The following HMCN1 variants were observed in gnomAD, a reference collection of about 807,000 sequenced individuals.
HMCN1 encodes hemicentin-1.
Under a neutral mutation model 625.9 loss-of-function variants are expected in HMCN1, and 321 were observed. That is an observed-to-expected ratio of 0.51 (90% CI 0.47 to 0.56). The LOEUF is 0.56. Among genes scored for constraint, HMCN1 ranks in the 20% least tolerant of loss-of-function variants. The probability of loss-of-function intolerance (pLI) is 0.00; values close to 1 mark genes in which losing one functional copy is unlikely to be tolerated. For missense variants in HMCN1, 6,588 were observed against 6,887.3 expected, an observed-to-expected ratio of 0.96 and a Z score of 1.54; for synonymous variants, 2,425 against 2,417.6, an observed-to-expected ratio of 1.00 and a Z score of -0.09.
In HMCN1 at chr1:185,923,639, C is replaced by A; in HGVS notation, c.1271C>A (p.Ser424Tyr). Residue 424 changes from serine to tyrosine, a missense_variant, in exon 8 of 107, where the codon TCT (serine) becomes TAT (tyrosine). Ser to Tyr is a moderately radical substitution (Grantham distance 144). Around this residue, in one of 3 missense-constraint regions of HMCN1, gnomAD observed 4,628 missense variants for 4,853.1 expected, o/e 0.95. Coordinates refer to ENST00000271588, the MANE Select transcript of HMCN1 (RefSeq NM_031935.3). ...CAGAGAGTATCAAGTGTTTCCTTTT[C>A]TAGTATTGTCCCAGGTGAGACATCA... The part of the protein sequence containing the change: ...LFQRVSSVSF[S>Y]SIVPDAPKVT... 1 of 1,603,478 alleles carries A rather than the reference C, an allele frequency of 6.2e-7. No individual in the cohort carries two copies. Among genetic ancestry groups the A allele is most frequent in the Non-Finnish European group, 8.5e-7 (1 of 1,176,506 alleles).
chr1:185,805,106 C>T (rs1410547353), intron 1 of HMCN1, among the ~76,000 whole-genome samples: 1 of 151,994 alleles, frequency 6.6e-6, no homozygotes, highest in Non-Finnish European at 1.5e-5. Flanking sequence ...GCATATTTTC[C>T]TTACATTGAT....
At chr1:186,115,558 T>A (rs1238645187) in intron 75 of HMCN1, 144 bp downstream of exon 75, 4 of 771,822 alleles carry the variant, frequency 5.2e-6, no homozygotes, top group Admixed American at 2.3e-5. Context: ...TAATATGGAC[T>A]TAGTTTTTCA....
At position 186,108,409 on chromosome 1, in the gene HMCN1, G is replaced by A. The variant is rs1660721556; in HGVS notation, c.10853-52G>A. On this transcript the variant is annotated intron_variant, in intron 70 of 106. Transcript: ENST00000271588. The stretch of plus-strand genomic sequence containing the variant: ...TCATATAGCAGAACCAACATTTTTT[G>A]GATACCTATGATAATACAGATTGCT... The A allele has an allele frequency of 1.1e-5, 17 of 1,612,198 alleles. 1 individual carries two copies. The South Asian group carries it at 1.9e-4, about 18-fold the overall frequency.
chr1:186,002,870 C>A (rs1653289102), intron 28 of HMCN1, among the ~76,000 whole-genome samples: 1 of 152,106 alleles, frequency 6.6e-6, no homozygotes, highest in African/African-American at 2.4e-5. Flanking sequence ...CTCACTACTA[C>A]CTTCTCCCCA....
intron 1 of HMCN1, among the ~76,000 whole-genome samples, chr1:185,834,054 T>C (rs1661029297): frequency 6.6e-6 from 1 of 152,206 alleles, no homozygotes; most frequent in African/African-American, 2.4e-5. Context: ...TGTTCAAAAT[T>C]GTCTCTTTCT....
intron 32 of HMCN1, among the ~76,000 whole-genome samples, chr1:186,016,630 G>A (rs932872133): frequency 5.9e-5 from 9 of 151,950 alleles, no homozygotes; most frequent in Admixed American, 3.9e-4. Context: ...TAAATTGAAG[G>A]CTTTTGAATA....
intron 105 of HMCN1, among the ~76,000 whole-genome samples, chr1:186,186,025 C>T (rs1653281211): frequency 6.6e-6 from 1 of 151,980 alleles, no homozygotes; most frequent in African/African-American, 2.4e-5. Context: ...TGAATTATGG[C>T]GTTGTTATAC....
intron 36 of HMCN1, among the ~76,000 whole-genome samples, chr1:186,024,215 A>G (rs1212126511): frequency 1.3e-5 from 2 of 152,082 alleles, no homozygotes; most frequent in African/African-American, 4.8e-5. Context: ...GAATGTAACC[A>G]TTTTGCAATT....
intron 40 of HMCN1, among the ~76,000 whole-genome samples, chr1:186,043,396 A>C (rs1296601972): frequency 2.6e-5 from 4 of 152,110 alleles, no homozygotes. Context: ...GATTTGCTTC[A>C]ATTTTTGTCC....
intron 53 of HMCN1, among the ~76,000 whole-genome samples, chr1:186,075,235 A>G (rs1658738186): frequency 6.6e-6 from 1 of 152,132 alleles, no homozygotes; most frequent in Non-Finnish European, 1.5e-5. Context: ...ACAGTACAGA[A>G]TTCAGAGTAA....
rs182329767 is a variant in HMCN1 at position 185,887,363 on chromosome 1, T to A, written c.621+21500T>A. Among the ~76,000 whole-genome samples, 1,150 of 152,014 alleles carry A rather than the reference T, an allele frequency of 7.6e-3. 14 individuals are homozygous for A. The highest frequency in any genetic ancestry group is 0.025 in the African/African-American group (1,034 of 41,448). On this transcript the variant is annotated intron_variant, in intron 4 of 106. Transcript: ENST00000271588. ...GGGTACATGTGCACATTGTGCAGGTTAGTTACATACGTATACATGTGCCAT... is the reference window on the plus strand; with the variant it reads ...GGGTACATGTGCACATTGTGCAGGTAAGTTACATACGTATACATGTGCCAT...
rs537739985 is a variant in HMCN1, at chr1:185,861,511, T to C, written c.340-2959T>C. On this transcript the variant is annotated intron_variant, in intron 2 of 106. Transcript: ENST00000271588. ...TGAGGAATGTTTTTCTCTAAGCTTC[T>C]GAATATACAATAGGAATTTAAATTT... Among the ~76,000 whole-genome samples, 13 of 152,340 alleles carry C rather than the reference T, an allele frequency of 8.5e-5. No homozygotes were observed. In the South Asian group the frequency reaches 2.5e-3, roughly 29 times the overall value.
rs1024063883 is a variant in HMCN1 at position 186,025,607 on chromosome 1, A to G, written c.5749+2454A>G. 1.6e-4 allele frequency among the ~76,000 whole-genome samples: 24 copies of G among 152,312 alleles called. No individual in the cohort carries two copies. The South Asian group carries it at 2.1e-3, about 13-fold the overall frequency. On this transcript the variant is annotated intron_variant, in intron 36 of 106. Coordinates refer to ENST00000271588, the MANE Select transcript of HMCN1 (RefSeq NM_031935.3). ...AGAAATCAAGTATCCCATCAAATAA[A>G]GAGCAACAACAGAAGAGAAAAAGCA...
intron 4 of HMCN1, among the ~76,000 whole-genome samples, chr1:185,889,285 A>G (rs2102407306): frequency 7.1e-6 from 1 of 141,252 alleles, no homozygotes; most frequent in East Asian, 2.0e-4. Flanking sequence ...TCTTTTCCTA[A>G]TTGAATACCC....
chr1:186,144,829 G>A (rs949220682), intron 91 of HMCN1, 126 bp downstream of exon 91: 3 of 1,126,206 alleles, frequency 2.7e-6, no homozygotes, highest in African/African-American at 3.1e-5. Context: ...TCAGAATGTT[G>A]TAAGGTTGCT....
At chr1:186,158,468 T>C (rs150069112) in intron 97 of HMCN1, among the ~76,000 whole-genome samples, 9,550 of 152,246 alleles carry the variant, frequency 0.063, 367 homozygotes, top group African/African-American at 0.11. Context: ...TTTTGTCTTT[T>C]GTTGCCATTG....
intron 1 of HMCN1, among the ~76,000 whole-genome samples, chr1:185,768,712 A>G (rs1656032193): frequency 1.3e-5 from 2 of 152,170 alleles, no homozygotes; most frequent in Non-Finnish European, 2.9e-5. Flanking sequence ...TTGGGAGGCC[A>G]AGGTGGGAGG....
chr1:186,178,597 C>A lies in HMCN1; in HGVS notation c.16125C>A (p.Phe5375Leu), dbSNP rs753660962. The change falls in exon 104 of 107, where the codon TTC becomes TTA. Residue 5375 changes from phenylalanine to leucine, a missense_variant. Phe to Leu is a conservative substitution (Grantham distance 22). Coordinates refer to ENST00000271588, the MANE Select transcript of HMCN1 (RefSeq NM_031935.3). ...ACAGTAGCTATAACCTTGCACGGTTCTCCCCTGTGAGAAACAACTATCAAC... is the reference window on the plus strand; with the variant it reads ...ACAGTAGCTATAACCTTGCACGGTTATCCCCTGTGAGAAACAACTATCAAC... ...TQYSSYNLAR[F>L]SPVRNNYQPQ... 6.2e-7 allele frequency: 1 copy of A among 1,614,134 alleles called. No individual in the cohort carries two copies. The highest frequency in any genetic ancestry group is 2.2e-5 in the East Asian group (1 of 44,874).
At chr1:186,117,794 C>A (rs1661207769) in intron 77 of HMCN1, among the ~76,000 whole-genome samples, 171 bp downstream of exon 77, 1 of 151,880 alleles carries the variant, frequency 6.6e-6, no homozygotes, top group Admixed American at 6.6e-5. Flanking sequence ...GAAAGGGGTT[C>A]TAGGGAATAG....
Sources: gnomAD v4.1 joint callset for allele counts (sites outside exome capture counted in the v4.1 genomes callset) on GRCh38, gnomAD v4.1.1 for gene constraint, gnomAD v4.1.1 regional missense constraint, MANE v1.5 for transcripts, NCBI Gene and HGNC (gene_info 2026-07-23, HGNC 2026-07-21) for gene names.